GAREM1: variants seen among roughly 807,000 people sequenced by gnomAD.
GAREM1 encodes GRB2 associated regulator of MAPK1 subtype 1.
GAREM1 carries 26 observed loss-of-function variants against 71.3 expected under a neutral mutation model. The observed-to-expected ratio is 0.36, with a 90% CI of 0.27 to 0.51. The LOEUF (loss-of-function observed/expected upper bound fraction) is 0.51. Among genes scored for constraint, GAREM1 ranks in the 20% least tolerant of loss-of-function variants. The pLI is 0.95. For missense variants in GAREM1, 1,026 were observed against 1,103.1 expected (o/e 0.93, Z 0.99); for synonymous variants, 440 against 433.2 (o/e 1.02, Z -0.20).
intron 3 of GAREM1, among the ~76,000 whole-genome samples, chr18:32,295,914 C>G (rs181107146): frequency 5.9e-5 from 9 of 152,044 alleles, no homozygotes; most frequent in Admixed American, 5.2e-4. Context: ...AACATAGATG[C>G]TAGGCATCTA....
intron 5 of GAREM1, 38 bp downstream of exon 5, chr18:32,270,179 A>T (rs777501335): frequency 1.2e-6 from 2 of 1,605,642 alleles, no homozygotes; most frequent in Middle Eastern, 1.7e-4. Flanking sequence ...GGTGGATGAG[A>T]AGATAAGCGT....
chr18:32,287,670 T>C lies in GAREM1; in HGVS notation c.927A>G (p.Pro309=). 6.2e-7 allele frequency: 1 copy of C among 1,614,182 alleles called. No individual in the cohort carries two copies. Among genetic ancestry groups the C allele is most frequent in the Non-Finnish European group, 8.5e-7 (1 of 1,180,022 alleles). ...LHLTVPKFSL[P]EHLVKGESWP... ...AGCTCTCTCCCTTCACCAGGTGTTC[T>C]GGGAGGCTGAACTTGGGGACAGTCA... The change falls in exon 4 of 6, where the codon CCA becomes CCG. Residue 309 remains proline (P), a synonymous_variant. Transcript: ENST00000269209. This position sits in a 1 kb window ranked among gnomAD's most constrained non-coding sequence, Gnocchi z 5.9.
At chr18:32,341,879 C>T (rs925854130) in intron 2 of GAREM1, among the ~76,000 whole-genome samples, 1 of 151,864 alleles carries the variant, frequency 6.6e-6, no homozygotes, top group South Asian at 2.1e-4. Context: ...AAATCATCGG[C>T]GATGGGTGAT....
chr18:32,363,629 A>C (rs966808563), intron 2 of GAREM1, among the ~76,000 whole-genome samples: 1 of 152,182 alleles, frequency 6.6e-6, no homozygotes, highest in Non-Finnish European at 1.5e-5. Flanking sequence ...GCAAATTTTC[A>C]AAAGCAAATG....
intron 1 of GAREM1, among the ~76,000 whole-genome samples, chr18:32,432,205 C>T (rs377084129): frequency 5.9e-5 from 9 of 152,058 alleles, no homozygotes; most frequent in African/African-American, 2.2e-4. Context: ...TATGATGGTG[C>T]AAAGAAAAAT....
At chr18:32,413,897 G>A (rs893545119) in intron 1 of GAREM1, among the ~76,000 whole-genome samples, 8 of 152,048 alleles carry the variant, frequency 5.3e-5, no homozygotes, top group African/African-American at 1.9e-4. Context: ...TAAATTACTA[G>A]TATAATTTTC....
Position 32,470,241 on chromosome 18 carries a change from A to C in GAREM1, c.121+67T>G. 7.3e-7 allele frequency: 1 copy of C among 1,369,630 alleles called. No individual in the cohort carries two copies. Among genetic ancestry groups the C allele is most frequent in the Non-Finnish European group, 9.5e-7 (1 of 1,050,508 alleles). 84.8% of individuals were successfully genotyped at this position (1,369,630 alleles called of 1,614,324 possible). A position where few individuals can be genotyped will look rare whatever the true frequency, so the allele number is the denominator to read the frequency against. On this transcript the variant is annotated intron_variant, in intron 1 of 5. Coordinates refer to ENST00000269209, the MANE Select transcript of GAREM1 (RefSeq NM_001242409.2). The surrounding 1 kb of genome is among the most constrained non-coding windows in gnomAD (Gnocchi z 4.4). Reference sequence around the variant, plus strand: ...CCGCGGGTCCCACCCTCTCCAGCACACGCGCGCACACCCGCGTGGAGACGG... The same window carrying C: ...CCGCGGGTCCCACCCTCTCCAGCACCCGCGCGCACACCCGCGTGGAGACGG...
At chr18:32,449,688 G>A (rs1047153402) in intron 1 of GAREM1, among the ~76,000 whole-genome samples, 3 of 152,258 alleles carry the variant, frequency 2.0e-5, no homozygotes, top group South Asian at 2.1e-4. Context: ...TGGGGGGCAG[G>A]CACGGTAGAA....
chr18:32,424,917 T>C (rs1003877331), intron 1 of GAREM1, among the ~76,000 whole-genome samples: 2 of 152,054 alleles, frequency 1.3e-5, no homozygotes, highest in African/African-American at 4.8e-5. Context: ...ACAGACAACA[T>C]CCACAGAGGC....
intron 1 of GAREM1, among the ~76,000 whole-genome samples, chr18:32,445,807 T>G (rs1026843200): frequency 6.6e-6 from 1 of 152,138 alleles, no homozygotes; most frequent in Non-Finnish European, 1.5e-5. Context: ...TTTGCACATA[T>G]AATAATCCCA....
intron 2 of GAREM1, among the ~76,000 whole-genome samples, chr18:32,378,057 T>TGTGTGTGTGTGTGTGTGCGCGC (rs1293817110): frequency 1.6e-5 from 2 of 127,526 alleles, no homozygotes; most frequent in African/African-American, 6.0e-5. Flanking sequence ...TGTGTGTGTG[T>TGTGTGTGTGTGTGTGTGCGCGC]GCGCGCGGGC....
chr18:32,368,302 C>T (rs1274003065), intron 2 of GAREM1, among the ~76,000 whole-genome samples: 5 of 152,162 alleles, frequency 3.3e-5, no homozygotes, highest in Non-Finnish European at 4.4e-5. Flanking sequence ...ACATCAGTGC[C>T]TGGGAAATTT....
At chr18:32,348,163 A>G (rs942890343) in intron 2 of GAREM1, among the ~76,000 whole-genome samples, 1 of 152,234 alleles carries the variant, frequency 6.6e-6, no homozygotes, top group Non-Finnish European at 1.5e-5. Flanking sequence ...AGGATTAAAC[A>G]TAAAATTCAC....
At chr18:32,394,668 G>T (rs1181634399) in intron 1 of GAREM1, among the ~76,000 whole-genome samples, 1 of 152,120 alleles carries the variant, frequency 6.6e-6, no homozygotes, top group Non-Finnish European at 1.5e-5. Context: ...TGGTACTCAT[G>T]AGCCCTTTGT....
rs756540518 is a variant in GAREM1 at position 32,310,332 on chromosome 18, C to G, written c.263-9G>C. 1.9e-6 allele frequency: 3 copies of G among 1,613,814 alleles called. No individual in the cohort carries two copies. Among genetic ancestry groups the G allele is most frequent in the Non-Finnish European group, 2.5e-6 (3 of 1,179,854 alleles). ...CAGCAGCTTGAATTGCCCTAAAACA[C>G]AGGATAAACAGAAGAGATCTAAGAT... On this transcript the variant is annotated splice_polypyrimidine_tract_variant and intron_variant, in intron 2 of 5. Transcript: ENST00000269209.
intron 3 of GAREM1, among the ~76,000 whole-genome samples, chr18:32,295,860 CCTAA>C (rs1426265057): frequency 3.3e-5 from 5 of 152,152 alleles, no homozygotes; most frequent in Non-Finnish European, 7.4e-5. Flanking sequence ...AAGATCTCAA[CCTAA>C]CTGTGTTTAC....
chr18:32,289,085 G>T (rs2047054339), intron 3 of GAREM1, among the ~76,000 whole-genome samples: 1 of 152,034 alleles, frequency 6.6e-6, no homozygotes, highest in South Asian at 2.1e-4. Context: ...TTTTTGTTTT[G>T]TTTTGTTTTG....
chr18:32,382,925 T>C (rs1401913119), intron 2 of GAREM1, among the ~76,000 whole-genome samples: 2 of 152,146 alleles, frequency 1.3e-5, no homozygotes, highest in Non-Finnish European at 2.9e-5. Context: ...TAAAATGTTA[T>C]GAAGGTCTAT....
intron 1 of GAREM1, among the ~76,000 whole-genome samples, chr18:32,469,437 G>C (rs2049028894): frequency 6.6e-6 from 1 of 152,202 alleles, no homozygotes; most frequent in African/African-American, 2.4e-5. Flanking sequence ...GCCCACTGAA[G>C]TTATGATGAA....
Sources: gnomAD v4.1 joint callset for allele counts (sites outside exome capture counted in the v4.1 genomes callset) on GRCh38, gnomAD v4.1.1 for gene constraint, Gnocchi (gnomAD v3.1) non-coding constraint, MANE v1.5 for transcripts, NCBI Gene and HGNC (gene_info 2026-07-23, HGNC 2026-07-21) for gene names.